Variants in ERC2 observed in about 807,000 individuals in gnomAD.
The protein encoded by ERC2 is ELKS/RAB6-interacting/CAST family member 2, also known as ERC protein 2.
In ERC2, 42 loss-of-function variants were observed where a neutral mutation model predicts 114.8. The ratio of observed to expected loss-of-function variants is 0.37; its 90% CI spans 0.29 to 0.47. The LOEUF (loss-of-function observed/expected upper bound fraction) is 0.47. ERC2 is among the 20% of genes least tolerant of loss of function. The pLI is 0.99. For missense variants in ERC2, 939 were observed against 1,150.7 expected, an observed-to-expected ratio of 0.82 and a Z score of 2.66; for synonymous variants, 454 against 425.5, an observed-to-expected ratio of 1.07 and a Z score of -0.82.
intron 13 of ERC2, among the ~76,000 whole-genome samples, chr3:55,934,187 G>C (rs1198134899): frequency 6.6e-6 from 1 of 152,134 alleles, no homozygotes; most frequent in East Asian, 1.9e-4. Context: ...TATGATGCTG[G>C]GAAAAAGTAT....
At chr3:55,924,533 C>T (rs1484942070) in intron 13 of ERC2, among the ~76,000 whole-genome samples, 2 of 151,972 alleles carry the variant, frequency 1.3e-5, no homozygotes, top group African/African-American at 4.8e-5. Flanking sequence ...CATTTCTAGC[C>T]CCACCTGAGC....
At chr3:56,376,893 ATG>A (rs1375181264) in intron 2 of ERC2, among the ~76,000 whole-genome samples, 2 of 152,194 alleles carry the variant, frequency 1.3e-5, no homozygotes, top group African/African-American at 4.8e-5. Context: ...GTCGCAATAC[ATG>A]GGAGGCTATT....
intron 7 of ERC2, among the ~76,000 whole-genome samples, chr3:56,073,718 T>A (rs758197517): frequency 7.9e-5 from 12 of 152,174 alleles, no homozygotes; most frequent in Non-Finnish European, 1.5e-4. Flanking sequence ...AGAGTTCACC[T>A]TCGTCTAGTC....
intron 13 of ERC2, among the ~76,000 whole-genome samples, chr3:55,940,594 G>T (rs763518797): frequency 1.3e-5 from 2 of 152,118 alleles, no homozygotes; most frequent in African/African-American, 2.4e-5. Context: ...GCTGGGGGGA[G>T]GACATCTTTA....
chr3:56,311,919 A>G (rs77253285), intron 2 of ERC2, among the ~76,000 whole-genome samples: 4,823 of 151,798 alleles, frequency 0.032, 87 homozygotes, highest in South Asian at 0.072. Context: ...GTTTCAACTA[A>G]CCACGGGTTA....
intron 15 of ERC2, among the ~76,000 whole-genome samples, chr3:55,733,542 T>TCTCTCACA (rs377515133): frequency 4.4e-4 from 47 of 107,884 alleles, no homozygotes; most frequent in African/African-American, 1.3e-3. Context: ...TCTCTCTCTC[T>TCTCTCACA]CACACACACA....
chr3:55,589,215 CAAA>C (rs5849104), intron 17 of ERC2, among the ~76,000 whole-genome samples: 1 of 99,816 alleles, frequency 1.0e-5, no homozygotes, highest in Non-Finnish European at 1.9e-5. Context: ...CAGTCACTAC[CAAA>C]AAAAAAAAAA....
chr3:55,794,284 A>G (rs2070297394), intron 14 of ERC2, among the ~76,000 whole-genome samples: 1 of 152,208 alleles, frequency 6.6e-6, no homozygotes, highest in South Asian at 2.1e-4. Context: ...TTCTAATAAC[A>G]AGAATGATAC....
At chr3:55,675,511 T>C (rs1218882614) in intron 17 of ERC2, among the ~76,000 whole-genome samples, 2 of 152,204 alleles carry the variant, frequency 1.3e-5, no homozygotes, top group Non-Finnish European at 2.9e-5. Flanking sequence ...GGCCATAATA[T>C]GTGCTCTGAT....
chr3:56,102,714 A>C (rs1356819575), intron 6 of ERC2, among the ~76,000 whole-genome samples: 1 of 152,224 alleles, frequency 6.6e-6, no homozygotes, highest in Non-Finnish European at 1.5e-5. Context: ...CAAAAAGTTA[A>C]GTTGAATTTC....
At chr3:56,416,053 CA>C in intron 2 of ERC2, among the ~76,000 whole-genome samples, 1 of 152,254 alleles carries the variant, frequency 6.6e-6, no homozygotes, top group South Asian at 2.1e-4. Flanking sequence ...CAATTGTATT[CA>C]GTATGATGAT....
intron 4 of ERC2, among the ~76,000 whole-genome samples, chr3:56,158,407 G>A (rs554854679): frequency 1.1e-3 from 170 of 152,218 alleles, no homozygotes; most frequent in Middle Eastern, 3.4e-3. Flanking sequence ...GACTCTCTCT[G>A]CCTAAAATAG....
chr3:55,740,587 T>C (rs2065915402), intron 14 of ERC2, among the ~76,000 whole-genome samples: 1 of 152,164 alleles, frequency 6.6e-6, no homozygotes, highest in Non-Finnish European at 1.5e-5. Context: ...AAAAGGTATA[T>C]AAAACTAGAG....
intron 7 of ERC2, among the ~76,000 whole-genome samples, chr3:56,075,398 G>T (rs950269724): frequency 2.6e-5 from 4 of 152,148 alleles, no homozygotes; most frequent in Admixed American, 6.6e-5. Context: ...AGTGGTGTTT[G>T]CCTTCTCTTG....
chr3:55,958,058 T>A (rs534756608), intron 12 of ERC2, among the ~76,000 whole-genome samples: 16 of 152,154 alleles, frequency 1.1e-4, no homozygotes, highest in Non-Finnish European at 2.2e-4. Flanking sequence ...CCAGGAAGAA[T>A]GAAGTATATG....
chr3:56,255,721 G>T (rs1309998655), intron 3 of ERC2, among the ~76,000 whole-genome samples: 1 of 152,122 alleles, frequency 6.6e-6, no homozygotes, highest in African/African-American at 2.4e-5. Flanking sequence ...CGTCCCCTTG[G>T]ATCCATCTCT....
At chr3:55,569,431 C>T (rs1304760573) in intron 17 of ERC2, among the ~76,000 whole-genome samples, 3 of 152,118 alleles carry the variant, frequency 2.0e-5, no homozygotes, top group African/African-American at 7.2e-5. Flanking sequence ...AAGAGGCATG[C>T]GCTGCTCTGC....
At chr3:55,664,341 C>CA (rs766865371) in intron 17 of ERC2, among the ~76,000 whole-genome samples, 14 of 152,206 alleles carry the variant, frequency 9.2e-5, no homozygotes, top group Non-Finnish European at 1.3e-4. Context: ...ATTCTGATCT[C>CA]ACTCTGCATC....
intron 15 of ERC2, among the ~76,000 whole-genome samples, chr3:55,706,466 G>A (rs1253004308): frequency 6.6e-6 from 1 of 151,878 alleles, no homozygotes; most frequent in Admixed American, 6.6e-5. Context: ...GTGCAATCTC[G>A]GCTCACTGTA....
Sources: allele counts gnomAD v4.1 joint callset (sites outside exome capture counted in the v4.1 genomes callset), GRCh38; gene constraint gnomAD v4.1.1; transcripts MANE v1.5; gene names NCBI Gene and HGNC (gene_info 2026-07-23, HGNC 2026-07-21).